ACVR1B: variants seen among roughly 807,000 people sequenced by gnomAD.
ACVR1B encodes activin receptor type-1B.
A neutral mutation model predicts 55.6 loss-of-function variants in ACVR1B; 15 were observed. That is an observed-to-expected ratio of 0.27 (90% CI 0.18 to 0.42). The LOEUF is 0.42. ACVR1B is among the 10% of genes least tolerant of loss of function. The pLI, the probability that ACVR1B is intolerant of heterozygous loss-of-function variation, is 1.00. For missense variants in ACVR1B, 359 were observed against 670.1 expected (o/e 0.54, Z 5.13); for synonymous variants, 247 against 254.6 (o/e 0.97, Z 0.28).
At chr12:51,993,938 C>T (rs1226922268) in intron 8 of ACVR1B, 47 bp from the exon 9 acceptor site, 2 of 1,607,520 alleles carry the variant, frequency 1.2e-6, no homozygotes, top group East Asian at 2.2e-5. Context: ...ACCAGAAAGG[C>T]TTCTCCAGGG....
intron 1 of ACVR1B, among the ~76,000 whole-genome samples, chr12:51,961,178 T>C (rs764764078): frequency 2.0e-5 from 3 of 152,216 alleles, no homozygotes; most frequent in Non-Finnish European, 4.4e-5. Context: ...TTGCACTGTT[T>C]ATAGTTGTCT....
intron 1 of ACVR1B, among the ~76,000 whole-genome samples, chr12:51,952,833 C>T (rs1342777076): frequency 1.3e-5 from 2 of 150,544 alleles, no homozygotes; most frequent in Admixed American, 6.6e-5. Context: ...CTCACACACC[C>T]CTTACCTCCC....
At chr12:51,973,143 C>T (rs950586148) in intron 1 of ACVR1B, among the ~76,000 whole-genome samples, 10 of 152,272 alleles carry the variant, frequency 6.6e-5, no homozygotes, top group Middle Eastern at 3.4e-3. Flanking sequence ...TGTGAACTAA[C>T]GAAATAAGCA....
At chr12:51,977,878 A>T (rs1175652824) in intron 3 of ACVR1B, among the ~76,000 whole-genome samples, 1 of 151,778 alleles carries the variant, frequency 6.6e-6, no homozygotes, top group Non-Finnish European at 1.5e-5. Flanking sequence ...AAAAAAGAAA[A>T]AAAACATCCA....
At chr12:51,953,552 C>T in intron 1 of ACVR1B, 4 of 980,546 alleles carry the variant, frequency 4.1e-6, no homozygotes, top group Non-Finnish European at 3.6e-6. Context: ...TATTAAGGGC[C>T]ATGTTTTTGG....
At chr12:51,983,304 A>G (rs1161179130) in intron 4 of ACVR1B, among the ~76,000 whole-genome samples, 1 of 152,212 alleles carries the variant, frequency 6.6e-6, no homozygotes, top group Non-Finnish European at 1.5e-5. Flanking sequence ...AAAAGAGAAA[A>G]TAAAGTGTAT....
intron 1 of ACVR1B, among the ~76,000 whole-genome samples, chr12:51,973,741 T>C (rs1246987756): frequency 1.3e-5 from 2 of 152,184 alleles, no homozygotes; most frequent in Admixed American, 1.3e-4. Flanking sequence ...CTGCATGTTT[T>C]GGAATTTCTC....
rs535365112 is a variant in ACVR1B, at chr12:51,985,625, C to T, written c.1136+277C>T. ...GAGGGTAGAGAAGGACAATCTAGAG[C>T]AGGATTTAGAAGGATAGCAGGCAAC... On this transcript the variant is annotated intron_variant, in intron 6 of 8. Transcript: ENST00000257963. Among the ~76,000 whole-genome samples, 13 of 152,230 alleles carry T rather than the reference C, an allele frequency of 8.5e-5. No homozygotes were observed. The highest frequency in any genetic ancestry group is 2.6e-4 in the African/African-American group (11 of 41,522).
At chr12:51,979,896 G>A (rs1229497385) in intron 3 of ACVR1B, among the ~76,000 whole-genome samples, 1 of 152,170 alleles carries the variant, frequency 6.6e-6, no homozygotes, top group Non-Finnish European at 1.5e-5. Context: ...GGAGGCAAAA[G>A]ACCTGTTGGA....
chr12:51,966,682 C>G (rs538891929), intron 1 of ACVR1B, among the ~76,000 whole-genome samples: 3 of 152,298 alleles, frequency 2.0e-5, no homozygotes, highest in Admixed American at 1.3e-4. Context: ...CTCCTGAGCT[C>G]AAGAGATCCT....
intron 4 of ACVR1B, among the ~76,000 whole-genome samples, chr12:51,981,751 G>A (rs893242108): frequency 1.3e-5 from 2 of 152,044 alleles, no homozygotes; most frequent in Non-Finnish European, 2.9e-5. Context: ...AGAATTGCTT[G>A]AACCCAGGAG....
intron 1 of ACVR1B, among the ~76,000 whole-genome samples, chr12:51,963,401 C>T (rs772118871): frequency 1.3e-5 from 2 of 152,128 alleles, no homozygotes; most frequent in African/African-American, 2.4e-5. Flanking sequence ...TGCGCCACCG[C>T]GCCCAGTTAA....
chr12:51,979,583 A>G (rs1941939451), intron 3 of ACVR1B, among the ~76,000 whole-genome samples: 1 of 152,182 alleles, frequency 6.6e-6, no homozygotes, highest in Non-Finnish European at 1.5e-5. Flanking sequence ...AAAGGCATGA[A>G]GGTCCACTGT....
intron 3 of ACVR1B, among the ~76,000 whole-genome samples, chr12:51,977,752 A>C (rs1941894085): frequency 6.9e-6 from 1 of 145,102 alleles, no homozygotes; most frequent in African/African-American, 2.6e-5. Flanking sequence ...TGAGTAGCTG[A>C]GATGTCAGGC....
chr12:51,962,543 T>A (rs1941553935), intron 1 of ACVR1B, among the ~76,000 whole-genome samples: 1 of 152,212 alleles, frequency 6.6e-6, no homozygotes, highest in South Asian at 2.1e-4. Flanking sequence ...AGCATGTGAT[T>A]GCTTTACTGC....
intron 1 of ACVR1B, among the ~76,000 whole-genome samples, chr12:51,964,183 C>G (rs887852761): frequency 4.6e-5 from 7 of 152,118 alleles, no homozygotes; most frequent in African/African-American, 1.7e-4. Flanking sequence ...CTCTGTCACC[C>G]AGGCTGGAGT....
intron 4 of ACVR1B, among the ~76,000 whole-genome samples, chr12:51,982,092 C>G (rs540698885): frequency 6.6e-6 from 1 of 152,090 alleles, no homozygotes; most frequent in African/African-American, 2.4e-5. Context: ...CAAAGGATGA[C>G]GAGTAAGGGT....
intron 1 of ACVR1B, among the ~76,000 whole-genome samples, chr12:51,966,409 A>C (rs1033088251): frequency 6.6e-6 from 1 of 152,222 alleles, no homozygotes; most frequent in Non-Finnish European, 1.5e-5. Flanking sequence ...GAGATCTCTT[A>C]GCTGAGTGCA....
At chr12:51,981,480 C>A (rs1034879650) in intron 4 of ACVR1B, among the ~76,000 whole-genome samples, 15 of 152,196 alleles carry the variant, frequency 9.9e-5, no homozygotes, top group Non-Finnish European at 2.1e-4. Flanking sequence ...TTTCTCCACT[C>A]CCCCAAACCC....
Sources: allele counts gnomAD v4.1 joint callset (sites outside exome capture counted in the v4.1 genomes callset), GRCh38; gene constraint gnomAD v4.1.1; transcripts MANE v1.5; gene names NCBI Gene and HGNC (gene_info 2026-07-23, HGNC 2026-07-21).